Variants in NRXN3 observed in about 807,000 individuals in gnomAD.
The protein encoded by NRXN3 is neurexin III.
In NRXN3, 32 loss-of-function variants were observed where a neutral mutation model predicts 137.6. The ratio of observed to expected loss-of-function variants is 0.23; its 90% CI spans 0.18 to 0.31. The LOEUF (loss-of-function observed/expected upper bound fraction) is 0.31, where lower values mean the gene tolerates loss of function less well. Ranked by LOEUF, NRXN3 falls within the 10% of genes least tolerant of loss-of-function variation. The pLI is 1.00. For synonymous variants in NRXN3, 798 were observed against 784.5 expected, an observed-to-expected ratio of 1.02 and a Z score of -0.29; for missense variants, 1,574 against 2,062.5, an observed-to-expected ratio of 0.76 and a Z score of 4.59.
At chr14:78,760,444 G>A (rs906017086) in intron 8 of NRXN3, among the ~76,000 whole-genome samples, 1 of 148,866 alleles carries the variant, frequency 6.7e-6, no homozygotes, top group South Asian at 2.2e-4. Flanking sequence ...TTTATATATA[G>A]CGAATGAATA....
intron 16 of NRXN3, among the ~76,000 whole-genome samples, chr14:79,495,173 C>T (rs1006227317): frequency 1.2e-4 from 19 of 152,244 alleles, no homozygotes; most frequent in East Asian, 3.9e-4. Flanking sequence ...ATAGCATGTG[C>T]GCAGGCCACC....
intron 15 of NRXN3, among the ~76,000 whole-genome samples, chr14:79,113,980 C>T (rs2053973699): frequency 6.6e-6 from 1 of 152,166 alleles, no homozygotes; most frequent in Admixed American, 6.5e-5. Context: ...CTTGATTATT[C>T]TCTTCTTGAG....
chr14:78,311,157 T>G (rs1167816789), intron 4 of NRXN3, among the ~76,000 whole-genome samples: 2 of 152,096 alleles, frequency 1.3e-5, no homozygotes, highest in Non-Finnish European at 2.9e-5. Flanking sequence ...TACACAGTGT[T>G]AAATAATAAG....
intron 15 of NRXN3, among the ~76,000 whole-genome samples, chr14:79,425,799 T>C (rs573793886): frequency 6.6e-6 from 1 of 152,288 alleles, no homozygotes; most frequent in East Asian, 1.9e-4. Context: ...AGAAACACGG[T>C]CTGTCCAGAG....
chr14:79,232,862 G>A (rs1281401083), intron 15 of NRXN3, among the ~76,000 whole-genome samples: 1 of 151,990 alleles, frequency 6.6e-6, no homozygotes, highest in African/African-American at 2.4e-5. Flanking sequence ...TCAAGTGCAG[G>A]GCATAAAATC....
chr14:79,568,347 T>A (rs1004209971), intron 16 of NRXN3, among the ~76,000 whole-genome samples: 1 of 152,200 alleles, frequency 6.6e-6, no homozygotes, highest in Admixed American at 6.5e-5. Context: ...CATTGTCAGA[T>A]GAACTGAAGC....
At chr14:79,324,184 A>G (rs2090509888) in intron 15 of NRXN3, among the ~76,000 whole-genome samples, 1 of 152,244 alleles carries the variant, frequency 6.6e-6, no homozygotes, top group South Asian at 2.1e-4. Context: ...GAATTAAACC[A>G]GACAGAATCA....
intron 15 of NRXN3, among the ~76,000 whole-genome samples, chr14:79,294,499 G>A (rs1028967044): frequency 5.9e-5 from 9 of 152,186 alleles, no homozygotes; most frequent in African/African-American, 2.2e-4. Flanking sequence ...TTGTGTGGTA[G>A]GAGGACAGGT....
At position 78,488,387 on chromosome 14, in the gene NRXN3, C is replaced by T. The variant is rs1382872767; in HGVS notation, c.758-156733C>T. ...AATGATAAAAACAAAACACTTGATC[C>T]CTATGATCTAAAGCCCTGCTCTGCA... On this transcript the variant is annotated intron_variant, in intron 4 of 20. Coordinates refer to ENST00000335750, the MANE Select transcript of NRXN3 (RefSeq NM_001330195.2). 2.0e-5 allele frequency among the ~76,000 whole-genome samples: 3 copies of T among 152,086 alleles called. No homozygotes were observed. In the East Asian group the frequency reaches 5.8e-4, roughly 29 times the overall value.
At chr14:79,161,067 C>A (rs1291574127) in intron 15 of NRXN3, among the ~76,000 whole-genome samples, 1 of 151,900 alleles carries the variant, frequency 6.6e-6, no homozygotes, top group Non-Finnish European at 1.5e-5. Flanking sequence ...AGCCATGTAA[C>A]CTGGAATGCT....
rs1555510784 is a variant in NRXN3 at position 78,405,614 on chromosome 14, G to GGT, written c.757+107755_757+107756insTG. Among the ~76,000 whole-genome samples, 43 of 34,570 alleles carry GGT rather than the reference G, an allele frequency of 1.2e-3. 1 individual carries two copies. Among genetic ancestry groups the GGT allele is most frequent in the Middle Eastern group, 0.048 (2 of 42 alleles). The allele number at this position is 34,570 out of a possible 152,430, so 22.7% of individuals were successfully genotyped here. On this transcript the variant is annotated intron_variant, in intron 4 of 20. Transcript: ENST00000335750. ...TTAGAGTGGATGCTGGGGAAGGGGC[G>GGT]GGGGGGTTCCGGGTATCTGATGAAT...
intron 15 of NRXN3, among the ~76,000 whole-genome samples, chr14:79,132,392 A>G (rs1596324733): frequency 6.6e-6 from 1 of 152,220 alleles, no homozygotes; most frequent in East Asian, 1.9e-4. Flanking sequence ...TACACATCAA[A>G]TTTTGAAGAC....
At chr14:79,322,862 C>A (rs2090260578) in intron 15 of NRXN3, among the ~76,000 whole-genome samples, 1 of 152,182 alleles carries the variant, frequency 6.6e-6, no homozygotes, top group African/African-American at 2.4e-5. Context: ...TTTGGCACCT[C>A]ATTGCTTTCA....
intron 4 of NRXN3, among the ~76,000 whole-genome samples, chr14:78,641,585 C>T (rs75498364): frequency 0.01 from 1,538 of 152,274 alleles, 21 homozygotes; most frequent in African/African-American, 0.035. Flanking sequence ...ATGTAGGATA[C>T]GATTCAGAGA....
intron 14 of NRXN3, among the ~76,000 whole-genome samples, chr14:78,975,427 G>A (rs753755085): frequency 3.9e-5 from 6 of 152,176 alleles, no homozygotes; most frequent in African/African-American, 7.2e-5. Flanking sequence ...TAATGTGTGT[G>A]GGGGGATATG....
At chr14:78,909,034 A>G (rs2099228307) in intron 10 of NRXN3, among the ~76,000 whole-genome samples, 1 of 152,076 alleles carries the variant, frequency 6.6e-6, no homozygotes, top group Non-Finnish European at 1.5e-5. Flanking sequence ...AGACATCTCA[A>G]CTGGTTCAGC....
intron 4 of NRXN3, among the ~76,000 whole-genome samples, chr14:78,479,051 T>A (rs1195419763): frequency 6.6e-6 from 1 of 152,238 alleles, no homozygotes; most frequent in African/African-American, 2.4e-5. Flanking sequence ...CAAACCAATG[T>A]GCTACAATAT....
intron 8 of NRXN3, among the ~76,000 whole-genome samples, chr14:78,758,529 C>A (rs1243630235): frequency 6.6e-6 from 1 of 152,110 alleles, no homozygotes; most frequent in Non-Finnish European, 1.5e-5. Flanking sequence ...GTGGATAGTC[C>A]AAGCATTGCA....
At chr14:79,130,798 C>G (rs897057920) in intron 15 of NRXN3, among the ~76,000 whole-genome samples, 18 of 152,206 alleles carry the variant, frequency 1.2e-4, no homozygotes, top group East Asian at 1.9e-4. Context: ...CCATTCTCCC[C>G]GTCACTTTCA....
Sources: allele counts gnomAD v4.1 joint callset (sites outside exome capture counted in the v4.1 genomes callset), GRCh38; gene constraint gnomAD v4.1.1; transcripts MANE v1.5; gene names NCBI Gene and HGNC (gene_info 2026-07-23, HGNC 2026-07-21).